FSTL4: variants seen among roughly 807,000 people sequenced by gnomAD.
The protein encoded by FSTL4 is follistatin like 4.
Under a neutral mutation model 78.2 loss-of-function variants are expected in FSTL4, and 28 were observed. The ratio of observed to expected loss-of-function variants is 0.36; its 90% confidence interval spans 0.27 to 0.49. FSTL4 has a LOEUF of 0.49. Among genes scored for constraint, FSTL4 ranks in the 20% least tolerant of loss-of-function variants. The pLI is 0.98. For synonymous variants in FSTL4, 422 were observed against 440.5 expected (o/e 0.96, Z 0.53); for missense variants, 922 against 1,084.9 (o/e 0.85, Z 2.11).
chr5:133,423,540 G>A (rs1194719294), intron 3 of FSTL4, among the ~76,000 whole-genome samples: 1 of 152,210 alleles, frequency 6.6e-6, no homozygotes, highest in Non-Finnish European at 1.5e-5. Flanking sequence ...GAGCGACAGA[G>A]TGCATGGGGT....
chr5:133,645,905 T>C, the FSTL4 span, among the ~76,000 whole-genome samples: 1 of 152,156 alleles, frequency 6.6e-6, no homozygotes, highest in Non-Finnish European at 1.5e-5. Context: ...TGGGACTAAC[T>C]GGGTGGCTGC....
chr5:133,208,671 T>C (rs1447671712), intron 14 of FSTL4, among the ~76,000 whole-genome samples: 17 of 152,162 alleles, frequency 1.1e-4, no homozygotes, highest in Admixed American at 1.1e-3. Flanking sequence ...GTAGAAACCA[T>C]GCATTTTTCT....
the FSTL4 span, among the ~76,000 whole-genome samples, chr5:133,747,491 C>T: frequency 2.0e-5 from 3 of 152,084 alleles, no homozygotes; most frequent in African/African-American, 4.8e-5. Context: ...ACAGAGACCT[C>T]GGGTTCTCCC....
intron 3 of FSTL4, among the ~76,000 whole-genome samples, chr5:133,503,134 C>T (rs1225977607): frequency 6.6e-6 from 1 of 152,046 alleles, no homozygotes; most frequent in Non-Finnish European, 1.5e-5. Flanking sequence ...TAATTTACGA[C>T]AAAATTAGAG....
At chr5:133,806,541 T>G in the FSTL4 span, among the ~76,000 whole-genome samples, 1 of 152,248 alleles carries the variant, frequency 6.6e-6, no homozygotes, top group Admixed American at 6.5e-5. Context: ...CAGAAAGCTC[T>G]GCATCTAATT....
In FSTL4 at chr5:133,404,844, C is replaced by T. The variant is rs926813163; in HGVS notation, c.161-3858G>A. 5.9e-5 allele frequency among the ~76,000 whole-genome samples: 9 copies of T among 152,204 alleles called. No individual in the cohort carries two copies. The East Asian group carries it at 1.7e-3, about 29-fold the overall frequency. The stretch of plus-strand genomic sequence containing the variant: ...CCACAGCCAGCCACAACCAAGAGCA[C>T]AGACAGTTGGGTAATTTTGCTTCCA... On this transcript the variant is annotated intron_variant, in intron 3 of 15. Transcript: ENST00000265342.
chr5:133,747,387 G>A, the FSTL4 span, among the ~76,000 whole-genome samples: 1 of 152,130 alleles, frequency 6.6e-6, no homozygotes, highest in Non-Finnish European at 1.5e-5. Flanking sequence ...TGTGGCACCC[G>A]GTAATTTAGT....
intron 3 of FSTL4, among the ~76,000 whole-genome samples, chr5:133,547,790 G>A (rs1433128505): frequency 6.6e-6 from 1 of 152,194 alleles, no homozygotes; most frequent in Non-Finnish European, 1.5e-5. Context: ...CTGGAATCAT[G>A]ACCCAAAATA....
intron 7 of FSTL4, among the ~76,000 whole-genome samples, chr5:133,239,062 C>T (rs1277006836): frequency 2.6e-5 from 4 of 152,160 alleles, no homozygotes; most frequent in Non-Finnish European, 4.4e-5. Context: ...GGCATGGGCT[C>T]GGCGGGCCCC....
the FSTL4 span, among the ~76,000 whole-genome samples, chr5:133,734,716 A>G: frequency 6.6e-6 from 1 of 152,112 alleles, no homozygotes. Context: ...ATTTGTATAC[A>G]TGTCTCATTT....
the FSTL4 span, among the ~76,000 whole-genome samples, chr5:133,798,513 A>G: frequency 7.2e-6 from 1 of 139,666 alleles, no homozygotes; most frequent in African/African-American, 2.7e-5. Flanking sequence ...TTTAGAAAAA[A>G]AAACTTAAAA....
At chr5:133,640,403 C>T in the FSTL4 span, among the ~76,000 whole-genome samples, 65 of 152,180 alleles carry the variant, frequency 4.3e-4, 1 homozygote, top group African/African-American at 1.4e-3. Context: ...CCTACCGCCT[C>T]CAAGATGTGA....
intron 6 of FSTL4, among the ~76,000 whole-genome samples, chr5:133,303,027 C>A (rs984796569): frequency 1.3e-5 from 2 of 152,244 alleles, no homozygotes; most frequent in African/African-American, 4.8e-5. Context: ...TGGGCCATAA[C>A]CACCCTGCCA....
chr5:133,223,098 G>A (rs903894167), intron 11 of FSTL4, among the ~76,000 whole-genome samples: 2 of 152,192 alleles, frequency 1.3e-5, no homozygotes, highest in Non-Finnish European at 2.9e-5. Flanking sequence ...GAGACCCTTT[G>A]TAGTAACCTC....
At chr5:133,553,689 C>A (rs1759732466) in intron 3 of FSTL4, among the ~76,000 whole-genome samples, 1 of 152,172 alleles carries the variant, frequency 6.6e-6, no homozygotes. Flanking sequence ...CAGTTGTCAT[C>A]ATGTGCCCCC....
At chr5:133,381,953 T>C (rs1755584503) in intron 4 of FSTL4, among the ~76,000 whole-genome samples, 1 of 152,238 alleles carries the variant, frequency 6.6e-6, no homozygotes, top group African/African-American at 2.4e-5. Flanking sequence ...GCTGTGTGAC[T>C]TACTTTTCCA....
chr5:133,603,091 C>A (rs376953746), intron 2 of FSTL4, among the ~76,000 whole-genome samples: 3 of 152,276 alleles, frequency 2.0e-5, no homozygotes, highest in East Asian at 3.9e-4. Context: ...TAGAGAAAAT[C>A]CCAGGTGGTT....
chr5:133,391,846 C>T (rs1410005720), intron 4 of FSTL4, among the ~76,000 whole-genome samples: 4 of 152,176 alleles, frequency 2.6e-5, no homozygotes, highest in African/African-American at 9.7e-5. Flanking sequence ...GCTAACTGCC[C>T]TCCTGGCTTT....
chr5:133,470,801 T>A (rs1473051710), intron 3 of FSTL4, among the ~76,000 whole-genome samples: 2 of 135,788 alleles, frequency 1.5e-5, no homozygotes, highest in African/African-American at 5.3e-5. Flanking sequence ...TAAAATAAAA[T>A]AAAAATAAAT....
Sources: gnomAD v4.1 joint callset for allele counts (sites outside exome capture counted in the v4.1 genomes callset) on GRCh38, gnomAD v4.1.1 for gene constraint, MANE v1.5 for transcripts, NCBI Gene and HGNC (gene_info 2026-07-23, HGNC 2026-07-21) for gene names.